Variants in NRCAM observed in about 807,000 individuals in gnomAD.
NRCAM encodes the protein NgCAM-related cell adhesion molecule.
NRCAM carries 83 observed loss-of-function variants against 156.5 expected under a neutral mutation model. The observed-to-expected ratio is 0.53, with a 90% CI of 0.44 to 0.64. The LOEUF (loss-of-function observed/expected upper bound fraction) is 0.64, where lower values mean the gene tolerates loss of function less well. NRCAM is among the 30% of genes least tolerant of loss of function. NRCAM has a pLI of 0.00. For missense variants in NRCAM, 1,417 were observed against 1,597.3 expected, an observed-to-expected ratio of 0.89 and a Z score of 1.92; for synonymous variants, 538 against 563.9, an observed-to-expected ratio of 0.95 and a Z score of 0.65.
intron 3 of NRCAM, among the ~76,000 whole-genome samples, chr7:108,280,743 G>T (rs2097826916): frequency 6.6e-6 from 1 of 152,148 alleles, no homozygotes; most frequent in East Asian, 1.9e-4. Context: ...CAGCGCAGCT[G>T]TTATAAAGAA....
intron 2 of NRCAM, among the ~76,000 whole-genome samples, chr7:108,334,100 A>G (rs1341764153): frequency 6.6e-6 from 1 of 152,216 alleles, no homozygotes; most frequent in African/African-American, 2.4e-5. Context: ...ATGCTGTGCC[A>G]TAATTTTTGT....
chr7:108,340,678 A>T (rs996166612), intron 2 of NRCAM, among the ~76,000 whole-genome samples: 3 of 152,128 alleles, frequency 2.0e-5, no homozygotes, highest in African/African-American at 7.2e-5. Context: ...ACTAAGGAAA[A>T]CTAGGAAAAA....
intron 3 of NRCAM, among the ~76,000 whole-genome samples, chr7:108,289,819 C>A (rs2098230220): frequency 6.6e-6 from 1 of 152,102 alleles, no homozygotes; most frequent in South Asian, 2.1e-4. Context: ...AAGGCAAATT[C>A]TTTGGACCTA....
At chr7:108,271,145 T>C (rs1371817051) in intron 3 of NRCAM, among the ~76,000 whole-genome samples, 1 of 152,248 alleles carries the variant, frequency 6.6e-6, no homozygotes, top group Non-Finnish European at 1.5e-5. Context: ...TATTATGTTA[T>C]GCATATTTTA....
chr7:108,218,173 T>TG (rs34435583), intron 11 of NRCAM, among the ~76,000 whole-genome samples: 1,666 of 118,192 alleles, frequency 0.014, 59 homozygotes, highest in African/African-American at 0.032. Context: ...TTCCCTTGGC[T>TG]GGGGGGGGGG....
At chr7:108,404,368 C>T (rs766498479) in intron 1 of NRCAM, among the ~76,000 whole-genome samples, 16 of 152,158 alleles carry the variant, frequency 1.1e-4, no homozygotes, top group Admixed American at 3.9e-4. Flanking sequence ...TGCTCAAGAA[C>T]AGAGATAGGA....
intron 2 of NRCAM, among the ~76,000 whole-genome samples, chr7:108,315,435 C>G (rs1291697865): frequency 6.6e-6 from 1 of 152,180 alleles, no homozygotes; most frequent in East Asian, 1.9e-4. Context: ...CTTGACAAGG[C>G]CAGAAGCCAA....
chr7:108,384,746 G>A (rs758419746), intron 2 of NRCAM, among the ~76,000 whole-genome samples: 13 of 152,178 alleles, frequency 8.5e-5, no homozygotes, highest in Non-Finnish European at 1.5e-4. Context: ...CAAGCTCTGG[G>A]TGATGTCCAC....
At chr7:108,445,321 T>G (rs1843015282) in intron 1 of NRCAM, among the ~76,000 whole-genome samples, 1 of 152,198 alleles carries the variant, frequency 6.6e-6, no homozygotes, top group Non-Finnish European at 1.5e-5. Flanking sequence ...TATATTATCA[T>G]TTTTTGGAGA....
At chr7:108,252,053 A>T (rs1015729972) in intron 3 of NRCAM, among the ~76,000 whole-genome samples, 2 of 152,260 alleles carry the variant, frequency 1.3e-5, no homozygotes, top group Non-Finnish European at 2.9e-5. Flanking sequence ...AGGTGGCATC[A>T]GAAAGAGTAC....
chr7:108,275,774 A>G (rs1217433441), intron 3 of NRCAM, among the ~76,000 whole-genome samples: 2 of 152,092 alleles, frequency 1.3e-5, no homozygotes, highest in Non-Finnish European at 2.9e-5. Flanking sequence ...GTCTTCTGCT[A>G]GCTTTTGAAT....
chr7:108,359,893 G>A (rs1421857909), intron 2 of NRCAM, among the ~76,000 whole-genome samples: 4 of 151,986 alleles, frequency 2.6e-5, no homozygotes, highest in South Asian at 2.1e-4. Context: ...AGTGGCAACC[G>A]AGGTTCTGAA....
intron 3 of NRCAM, among the ~76,000 whole-genome samples, chr7:108,280,962 A>G (rs1004125771): frequency 6.6e-6 from 1 of 152,172 alleles, no homozygotes; most frequent in Admixed American, 6.5e-5. Context: ...ATGATGAAAA[A>G]CCTGTTCTGA....
At chr7:108,443,160 T>C (rs1034826) in intron 1 of NRCAM, among the ~76,000 whole-genome samples, 52,374 of 149,618 alleles carry the variant, frequency 0.35, 9,598 homozygotes, top group African/African-American at 0.47. Flanking sequence ...TCGTTGCTAT[T>C]ATTTAAAACA....
chr7:108,203,106 C>T (rs1230643443), intron 13 of NRCAM, among the ~76,000 whole-genome samples: 3 of 152,184 alleles, frequency 2.0e-5, no homozygotes, highest in African/African-American at 7.2e-5. Context: ...AAGCAACCTC[C>T]TAGGGTAGAG....
intron 2 of NRCAM, among the ~76,000 whole-genome samples, chr7:108,381,851 G>A (rs2099703115): frequency 2.0e-5 from 3 of 152,246 alleles, no homozygotes; most frequent in East Asian, 3.9e-4. Context: ...GTGAGTCACT[G>A]CGCCTGGCCT....
At chr7:108,251,037 C>T (rs1267007741) in intron 3 of NRCAM, among the ~76,000 whole-genome samples, 1 of 152,158 alleles carries the variant, frequency 6.6e-6, no homozygotes, top group Non-Finnish European at 1.5e-5. Flanking sequence ...AGAAAAACCT[C>T]TGGTTTTTAT....
At chr7:108,441,891 G>A (rs1234943485) in intron 1 of NRCAM, among the ~76,000 whole-genome samples, 2 of 152,132 alleles carry the variant, frequency 1.3e-5, no homozygotes, top group African/African-American at 2.4e-5. Context: ...GTACTATCTC[G>A]CCCTTCATAG....
intron 11 of NRCAM, among the ~76,000 whole-genome samples, chr7:108,214,701 C>T (rs1269781893): frequency 6.6e-6 from 1 of 152,144 alleles, no homozygotes; most frequent in African/African-American, 2.4e-5. Context: ...GTTAGGGTAT[C>T]AAATTTAGAT....
Sources: allele counts gnomAD v4.1 joint callset (sites outside exome capture counted in the v4.1 genomes callset), GRCh38; gene constraint gnomAD v4.1.1; transcripts MANE v1.5; gene names NCBI Gene and HGNC (gene_info 2026-07-23, HGNC 2026-07-21).